EFCAB6: variants seen among roughly 807,000 people sequenced by gnomAD.
EFCAB6 encodes the protein EF-hand calcium-binding domain-containing protein 6.
A neutral mutation model predicts 169.8 loss-of-function variants in EFCAB6; 156 were observed. The ratio of observed to expected loss-of-function variants is 0.92; its 90% CI spans 0.81 to 1.05. EFCAB6 has a LOEUF of 1.05. Among genes scored for constraint, EFCAB6 ranks in the 50% least tolerant of loss-of-function variants. EFCAB6 has a pLI of 0.00. For synonymous variants in EFCAB6, 698 were observed against 676.4 expected, an observed-to-expected ratio of 1.03 and a Z score of -0.50; for missense variants, 1,800 against 1,829.1, an observed-to-expected ratio of 0.98 and a Z score of 0.29.
intron 15 of EFCAB6, among the ~76,000 whole-genome samples, chr22:43,671,169 T>C (rs1021582143): frequency 6.6e-6 from 1 of 152,156 alleles, no homozygotes; most frequent in South Asian, 2.1e-4. Flanking sequence ...AGTGGTTTTT[T>C]TGTTTGTTTG....
chr22:43,536,512 G>A (rs1411035534), intron 29 of EFCAB6: 1 of 152,158 alleles, frequency 6.6e-6, no homozygotes, highest in Non-Finnish European at 1.5e-5. Flanking sequence ...GACATGGTCA[G>A]ATGTATTTTC....
intron 10 of EFCAB6, among the ~76,000 whole-genome samples, chr22:43,701,004 A>G (rs965484070): frequency 1.3e-5 from 2 of 152,258 alleles, no homozygotes; most frequent in Non-Finnish European, 2.9e-5. Context: ...AAAGATAAAT[A>G]AAAGAGTCTA....
intron 12 of EFCAB6, among the ~76,000 whole-genome samples, chr22:43,680,494 G>T: frequency 6.8e-6 from 1 of 147,002 alleles, no homozygotes; most frequent in East Asian, 2.0e-4. Context: ...AAAAAAAAAA[G>T]CCAGCTGGGA....
intron 26 of EFCAB6, among the ~76,000 whole-genome samples, chr22:43,573,732 CAA>C (rs748024357): frequency 0.27 from 22,993 of 84,812 alleles, 700 homozygotes; most frequent in Middle Eastern, 0.32. Context: ...TCTGTCTCAA[CAA>C]AAAAAAAAAA....
chr22:43,745,653 A>G (rs886438133), intron 6 of EFCAB6, among the ~76,000 whole-genome samples: 2 of 152,218 alleles, frequency 1.3e-5, no homozygotes, highest in Non-Finnish European at 2.9e-5. Context: ...CTCCACCACT[A>G]AATTCATTTT....
chr22:43,677,844 T>G, intron 13 of EFCAB6, 152 bp downstream of exon 13: 1 of 783,690 alleles, frequency 1.3e-6, no homozygotes, highest in Non-Finnish European at 1.9e-6. Flanking sequence ...ATCAAAGTGC[T>G]TAAACACTTG....
chr22:43,772,786 C>T, intron 4 of EFCAB6, 106 bp downstream of exon 4: 10 of 1,232,832 alleles, frequency 8.1e-6, no homozygotes, highest in Non-Finnish European at 1.1e-5. Context: ...ACTTCAACTG[C>T]TCAGTGGCAA....
At chr22:43,660,658 C>A (rs137760) in intron 17 of EFCAB6, among the ~76,000 whole-genome samples, 1 of 151,956 alleles carries the variant, frequency 6.6e-6, no homozygotes, top group Non-Finnish European at 1.5e-5. Flanking sequence ...CTTGTTGGGG[C>A]AGTATCTAAG....
At chr22:43,755,072 T>C (rs962060208) in intron 6 of EFCAB6, among the ~76,000 whole-genome samples, 1 of 152,174 alleles carries the variant, frequency 6.6e-6, no homozygotes, top group Admixed American at 6.5e-5. Context: ...GTATGAAATA[T>C]ATGAGTCTCA....
intron 17 of EFCAB6, among the ~76,000 whole-genome samples, chr22:43,641,616 CAA>C (rs36039582): frequency 6.6e-5 from 8 of 122,076 alleles, no homozygotes; most frequent in Non-Finnish European, 5.2e-5. Context: ...AACTCCATCT[CAA>C]AAAAAAAAAA....
In EFCAB6 at chr22:43,735,320, ACCC is replaced by A. The variant is rs1341342251; in HGVS notation, c.644+534_644+536del. ...TCGTCACCCTCCTGCCGCACACCCC[ACCC>A]TCCTGCCGCACACCCCACCCTCCTG... is the stretch of plus-strand genomic sequence containing the variant. On this transcript the variant is annotated intron_variant, in intron 7 of 31. Transcript: ENST00000262726. Among the ~76,000 whole-genome samples the A allele has an allele frequency of 8.9e-3, 1,327 of 149,784 alleles. 7 individuals are homozygous for A. The highest frequency in any genetic ancestry group is 0.034 in the Middle Eastern group (10 of 292).
chr22:43,719,205 C>T (rs1429775192), intron 8 of EFCAB6, among the ~76,000 whole-genome samples: 5 of 152,192 alleles, frequency 3.3e-5, no homozygotes, highest in South Asian at 2.1e-4. Flanking sequence ...TATTCAGTGA[C>T]GCCTCTCTCA....
At chr22:43,662,896 C>G (rs886642191) in intron 17 of EFCAB6, among the ~76,000 whole-genome samples, 3 of 152,208 alleles carry the variant, frequency 2.0e-5, no homozygotes, top group Non-Finnish European at 4.4e-5. Context: ...ACATGACACC[C>G]AGCAAGGGTC....
At chr22:43,618,222 G>GAAAGAAAGAAAGAAAGAGAA (rs1346599117) in intron 20 of EFCAB6, among the ~76,000 whole-genome samples, 1 of 98,410 alleles carries the variant, frequency 1.0e-5, no homozygotes, top group African/African-American at 3.6e-5. Context: ...AAGAAAGAAA[G>GAAAGAAAGAAAGAAAGAGAA]AGAAAGAAAG....
intron 20 of EFCAB6, among the ~76,000 whole-genome samples, chr22:43,625,302 A>C (rs2054423451): frequency 6.6e-6 from 1 of 152,194 alleles, no homozygotes; most frequent in Admixed American, 6.5e-5. Flanking sequence ...CCTCAAGGAC[A>C]AAACAGCATA....
chr22:43,749,322 G>C (rs996908501), intron 6 of EFCAB6, among the ~76,000 whole-genome samples: 1 of 152,110 alleles, frequency 6.6e-6, no homozygotes, highest in African/African-American at 2.4e-5. Flanking sequence ...CTCAGAAGGA[G>C]ATATAAACGT....
intron 22 of EFCAB6, among the ~76,000 whole-genome samples, chr22:43,601,273 G>A (rs760522877): frequency 4.6e-5 from 7 of 152,108 alleles, no homozygotes; most frequent in Non-Finnish European, 7.4e-5. Flanking sequence ...ATCTCCCAAC[G>A]TTATTCAAAT....
At chr22:43,562,576 A>G (rs1449708573) in intron 26 of EFCAB6, among the ~76,000 whole-genome samples, 8 of 129,544 alleles carry the variant, frequency 6.2e-5, no homozygotes, top group Non-Finnish European at 1.3e-4. Flanking sequence ...GGAGGGAGGC[A>G]GCCCGGTGGG....
At chr22:43,806,568 G>A (rs1025135376) in intron 2 of EFCAB6, among the ~76,000 whole-genome samples, 2 of 152,082 alleles carry the variant, frequency 1.3e-5, no homozygotes, top group African/African-American at 2.4e-5. Context: ...TCTTAATTGT[G>A]GGGTAGAAGG....
Sources: allele counts gnomAD v4.1 joint callset (sites outside exome capture counted in the v4.1 genomes callset), GRCh38; gene constraint gnomAD v4.1.1; transcripts MANE v1.5; gene names NCBI Gene and HGNC (gene_info 2026-07-23, HGNC 2026-07-21).